TMEM63C: variants seen among roughly 807,000 people sequenced by gnomAD.
TMEM63C encodes the protein transmembrane protein 63C.
Under a neutral mutation model 99.2 loss-of-function variants are expected in TMEM63C, and 32 were observed. The observed-to-expected ratio is 0.32, with a 90% CI of 0.24 to 0.43. TMEM63C has a LOEUF of 0.43. Among genes scored for constraint, TMEM63C ranks in the 20% least tolerant of loss-of-function variants. The pLI is 1.00. For missense variants in TMEM63C, 826 were observed against 1,053.0 expected, an observed-to-expected ratio of 0.78 and a Z score of 2.98; for synonymous variants, 376 against 397.9, an observed-to-expected ratio of 0.94 and a Z score of 0.66.
At chr14:77,216,795 G>A (rs1366505896) in intron 2 of TMEM63C, among the ~76,000 whole-genome samples, 1 of 151,996 alleles carries the variant, frequency 6.6e-6, no homozygotes, top group African/African-American at 2.4e-5. Flanking sequence ...GGCTACCATT[G>A]TCTCCTGCCC....
At chr14:77,234,912 G>A in intron 8 of TMEM63C, among the ~76,000 whole-genome samples, 1 of 152,206 alleles carries the variant, frequency 6.6e-6, no homozygotes, top group Non-Finnish European at 1.5e-5. Flanking sequence ...AGCCACAGCA[G>A]TTGGCAGGAT....
At chr14:77,218,397 C>G (rs756788924) in intron 2 of TMEM63C, among the ~76,000 whole-genome samples, 1 of 152,170 alleles carries the variant, frequency 6.6e-6, no homozygotes, top group Non-Finnish European at 1.5e-5. Context: ...GTGAACACAG[C>G]GGTTTTGACT....
At position 77,249,285 on chromosome 14, in the gene TMEM63C, C is replaced by A; in HGVS notation, c.1871-6C>A. 6.2e-7 allele frequency: 1 copy of A among 1,613,748 alleles called. No individual in the cohort carries two copies. Among genetic ancestry groups the A allele is most frequent in the East Asian group, 2.2e-5 (1 of 44,880 alleles). On this transcript the variant is annotated splice_region_variant and splice_polypyrimidine_tract_variant and intron_variant, in intron 20 of 23. Coordinates refer to ENST00000298351, the MANE Select transcript of TMEM63C (RefSeq NM_020431.4). ...CACTGAGTAAGTTTCCACCTTTGTC[C>A]CCCAGGGTTGCTCTACCTGTGCATG...
chr14:77,194,336 ATGTGTGTGTGTGTGTGTGTGTGTGTGTG>A (rs36201483), intron 1 of TMEM63C, among the ~76,000 whole-genome samples: 1 of 87,560 alleles, frequency 1.1e-5, no homozygotes, highest in African/African-American at 5.9e-5. Flanking sequence ...ATATATATAT[ATGTGTGTGTGTGTGTGTGTGTGTGTGTG>A]TGTGTGTGTG....
chr14:77,241,185 A>C (rs1889169610), intron 13 of TMEM63C, among the ~76,000 whole-genome samples: 1 of 152,216 alleles, frequency 6.6e-6, no homozygotes, highest in Admixed American at 6.5e-5. Flanking sequence ...TCCTGACCTC[A>C]GGTGATCTGC....
chr14:77,184,021 G>A (rs780695440), intron 1 of TMEM63C, among the ~76,000 whole-genome samples: 4 of 152,174 alleles, frequency 2.6e-5, no homozygotes, highest in Non-Finnish European at 5.9e-5. Flanking sequence ...TCTGCCCTCA[G>A]CATCTCTACC....
intron 5 of TMEM63C, among the ~76,000 whole-genome samples, chr14:77,224,324 G>A (rs1167709878): frequency 2.0e-5 from 3 of 152,014 alleles, no homozygotes; most frequent in South Asian, 2.1e-4. Flanking sequence ...CCCTGTGTCA[G>A]GTTGGCTGAT....
At chr14:77,219,469 C>T in intron 3 of TMEM63C, 29 bp from the exon 4 acceptor site, 1 of 1,612,056 alleles carries the variant, frequency 6.2e-7, no homozygotes, top group East Asian at 2.2e-5. Context: ...TGAAGTCTCC[C>T]ACCCCACATT....
In TMEM63C at chr14:77,257,750, G is replaced by A. The variant is rs1314272914; in HGVS notation, c.*1024G>A. 1.3e-5 allele frequency: 2 copies of A among 152,246 alleles called. No homozygotes were observed. The highest frequency in any genetic ancestry group is 4.8e-5 in the African/African-American group (2 of 41,448). 9.4% of individuals were successfully genotyped at this position (152,246 alleles called of 1,614,324 possible). A position where few individuals can be genotyped will look rare whatever the true frequency, so the allele number is the denominator to read the frequency against. ...TAAGAACCCCATGCTTCAAACTTAA[G>A]GACTGACCATCACCTGCGTCCCAAG... On this transcript the variant is annotated 3_prime_UTR_variant, in exon 24 of 24. Transcript: ENST00000298351.
At chr14:77,230,587 C>T (rs938811594) in intron 6 of TMEM63C, among the ~76,000 whole-genome samples, 5 of 152,120 alleles carry the variant, frequency 3.3e-5, no homozygotes, top group East Asian at 3.8e-4. Flanking sequence ...AGATCAGCGG[C>T]GGCATGAGCT....
At chr14:77,248,678 G>C in intron 19 of TMEM63C, 89 bp from the exon 20 acceptor site, 1 of 1,496,678 alleles carries the variant, frequency 6.7e-7, no homozygotes, top group Non-Finnish European at 9.3e-7. Context: ...CTCCAGGCCT[G>C]AGCTGCCAGG....
rs534194603 is a variant in TMEM63C, at chr14:77,241,672, C to G, written c.1065-675C>G. ...ACTTTTTATCTGGCAAATTTGGTTA[C>G]TGATATCTGTCCTGTTCACCTCCCG... On this transcript the variant is annotated intron_variant, in intron 13 of 23. Coordinates refer to ENST00000298351, the MANE Select transcript of TMEM63C (RefSeq NM_020431.4). Among the ~76,000 whole-genome samples, 115 of 152,354 alleles carry G rather than the reference C, an allele frequency of 7.5e-4. 1 individual carries two copies. The highest frequency in any genetic ancestry group is 5.0e-3 in the South Asian group (24 of 4,830).
chr14:77,218,239 AAG>A (rs1888624104), intron 2 of TMEM63C, among the ~76,000 whole-genome samples: 2 of 124,858 alleles, frequency 1.6e-5, no homozygotes, highest in East Asian at 2.4e-4. Context: ...TTAAAAAAAA[AAG>A]AGGGGGGTGT....
intron 22 of TMEM63C, among the ~76,000 whole-genome samples, chr14:77,252,407 C>T (rs1038632153): frequency 1.3e-5 from 2 of 152,190 alleles, no homozygotes; most frequent in African/African-American, 4.8e-5. Flanking sequence ...GCAGTGGGCC[C>T]AGCCTAATCA....
At chr14:77,195,049 T>C (rs1009062856) in intron 1 of TMEM63C, among the ~76,000 whole-genome samples, 2 of 152,092 alleles carry the variant, frequency 1.3e-5, no homozygotes, top group Admixed American at 6.5e-5. Context: ...AGCCCAGGCA[T>C]TGGAGACCAG....
chr14:77,238,662 C>T, intron 9 of TMEM63C, 32 bp from the exon 10 acceptor site: 2 of 1,571,402 alleles, frequency 1.3e-6, no homozygotes, highest in Non-Finnish European at 1.8e-6. Context: ...CAAGCACAGT[C>T]TTCTTTCTCC....
chr14:77,225,472 G>C lies in TMEM63C; in HGVS notation c.350+11G>C, dbSNP rs569933855. The C allele has an allele frequency of 6.2e-7, 1 of 1,612,726 alleles. No individual in the cohort carries two copies. The highest frequency in any genetic ancestry group is 8.5e-7 in the Non-Finnish European group (1 of 1,179,426). ...CAGCATAACAATGAAGTAAGTGCCC[G>C]GGCTCTGTGAGCTTGTGACCGTGTT... On this transcript the variant is annotated intron_variant, in intron 6 of 23. Coordinates refer to ENST00000298351, the MANE Select transcript of TMEM63C (RefSeq NM_020431.4).
intron 1 of TMEM63C, among the ~76,000 whole-genome samples, chr14:77,195,531 T>G (rs1888200017): frequency 6.6e-6 from 1 of 152,132 alleles, no homozygotes; most frequent in Non-Finnish European, 1.5e-5. Context: ...GTTCAGTGGG[T>G]CAAGGTAGCG....
chr14:77,225,371 G>A, intron 5 of TMEM63C, 53 bp from the exon 6 acceptor site: 1 of 1,591,952 alleles, frequency 6.3e-7, no homozygotes. Flanking sequence ...CCAGAGCTGG[G>A]CAGGGCAGGC....
Sources: gnomAD v4.1 joint callset for allele counts (sites outside exome capture counted in the v4.1 genomes callset) on GRCh38, gnomAD v4.1.1 for gene constraint, MANE v1.5 for transcripts, NCBI Gene and HGNC (gene_info 2026-07-23, HGNC 2026-07-21) for gene names.